Variants in PDE4D observed in about 807,000 individuals in gnomAD.
PDE4D encodes the protein phosphodiesterase 4D, also known as 3',5'-cyclic-AMP phosphodiesterase 4D.
Under a neutral mutation model 87.4 loss-of-function variants are expected in PDE4D, and 24 were observed. The observed-to-expected ratio is 0.27, with a 90% CI of 0.20 to 0.39. The LOEUF (loss-of-function observed/expected upper bound fraction) is 0.39, where lower values mean the gene tolerates loss of function less well. PDE4D is among the 10% of genes least tolerant of loss of function. The pLI, the probability that PDE4D is intolerant of heterozygous loss-of-function variation, is 1.00. For synonymous variants in PDE4D, 384 were observed against 383.2 expected (o/e 1.00, Z -0.02); for missense variants, 714 against 1,041.0 (o/e 0.69, Z 4.32).
intron 1 of PDE4D, among the ~76,000 whole-genome samples, chr5:59,316,869 T>C (rs773336761): frequency 6.4e-4 from 97 of 152,252 alleles, no homozygotes; most frequent in Non-Finnish European, 1.2e-3. Context: ...GCCTTACACA[T>C]GGGCAGAGGT....
chr5:59,390,234 C>G (rs1257516429), intron 1 of PDE4D, among the ~76,000 whole-genome samples: 1 of 152,118 alleles, frequency 6.6e-6, no homozygotes, highest in Non-Finnish European at 1.5e-5. Context: ...GTGAGATACT[C>G]ACTTGCCCAC....
At chr5:59,227,909 C>T (rs1053575286) in intron 1 of PDE4D, among the ~76,000 whole-genome samples, 5 of 151,970 alleles carry the variant, frequency 3.3e-5, no homozygotes, top group African/African-American at 1.2e-4. Flanking sequence ...GGGTATATAC[C>T]AAAAGGAATA....
intron 1 of PDE4D, among the ~76,000 whole-genome samples, chr5:59,867,984 G>A (rs780642630): frequency 3.3e-5 from 5 of 152,138 alleles, no homozygotes; most frequent in Admixed American, 1.3e-4. Flanking sequence ...ACTGAAGATC[G>A]TGTGCTTGTA....
At chr5:59,837,854 C>A (rs1408026559) in intron 1 of PDE4D, among the ~76,000 whole-genome samples, 1 of 151,986 alleles carries the variant, frequency 6.6e-6, no homozygotes, top group Non-Finnish European at 1.5e-5. Flanking sequence ...CAAATAATTA[C>A]CAAATGAACT....
At chr5:59,002,872 G>C (rs1371345721) in intron 6 of PDE4D, among the ~76,000 whole-genome samples, 1 of 151,930 alleles carries the variant, frequency 6.6e-6, no homozygotes, top group African/African-American at 2.4e-5. Context: ...ATACATATGA[G>C]GATTAAATGA....
At chr5:59,728,363 G>T (rs985986949) in intron 1 of PDE4D, among the ~76,000 whole-genome samples, 2 of 152,218 alleles carry the variant, frequency 1.3e-5, no homozygotes. Context: ...TCTTTGGTTT[G>T]ATTTAAAAAT....
At chr5:59,424,357 C>T (rs1253443607) in intron 1 of PDE4D, among the ~76,000 whole-genome samples, 1 of 152,108 alleles carries the variant, frequency 6.6e-6, no homozygotes, top group Non-Finnish European at 1.5e-5. Context: ...AAAGTAGTCC[C>T]TTTGTTTTCA....
intron 1 of PDE4D, among the ~76,000 whole-genome samples, chr5:60,311,147 G>A (rs1754998626): frequency 6.6e-6 from 1 of 152,044 alleles, no homozygotes; most frequent in Non-Finnish European, 1.5e-5. Flanking sequence ...CCTCCCCAGG[G>A]CCGGGATTAC....
chr5:59,542,574 GT>G (rs1816543049), intron 1 of PDE4D, among the ~76,000 whole-genome samples: 1 of 152,090 alleles, frequency 6.6e-6, no homozygotes, highest in African/African-American at 2.4e-5. Context: ...ATGCCAAGTA[GT>G]TTTGTATTTT....
chr5:60,209,444 AAC>A (rs578213079), intron 1 of PDE4D, among the ~76,000 whole-genome samples: 40 of 152,300 alleles, frequency 2.6e-4, no homozygotes, highest in Middle Eastern at 3.4e-3. Context: ...CTAAAAAACA[AAC>A]ACACTAGAAT....
chr5:58,992,049 CTG>C (rs749869858), intron 7 of PDE4D, 45 bp from the exon 8 acceptor site: 68 of 1,178,858 alleles, frequency 5.8e-5, no homozygotes, highest in Non-Finnish European at 7.4e-5. Context: ...TTAATTCTAT[CTG>C]TTTTATATCA....
At chr5:60,347,436 C>G (rs960083719) in intron 1 of PDE4D, among the ~76,000 whole-genome samples, 4 of 152,102 alleles carry the variant, frequency 2.6e-5, no homozygotes, top group Admixed American at 6.6e-5. Flanking sequence ...AAGTAGGGGA[C>G]TGACATGATC....
At chr5:60,339,186 T>A (rs1441315666) in intron 1 of PDE4D, among the ~76,000 whole-genome samples, 2 of 151,966 alleles carry the variant, frequency 1.3e-5, no homozygotes, top group Non-Finnish European at 2.9e-5. Context: ...TAATTTTTGT[T>A]TTTTTCCTTA....
At chr5:59,380,815 T>C (rs1307579181) in intron 1 of PDE4D, among the ~76,000 whole-genome samples, 1 of 150,260 alleles carries the variant, frequency 6.7e-6, no homozygotes, top group Non-Finnish European at 1.5e-5. Flanking sequence ...TTTTTTTTAT[T>C]TCAAAGGGAG....
At chr5:60,332,956 C>A (rs1362191069) in intron 1 of PDE4D, among the ~76,000 whole-genome samples, 1 of 152,212 alleles carries the variant, frequency 6.6e-6, no homozygotes, top group African/African-American at 2.4e-5. Flanking sequence ...AGCATCCTGA[C>A]ATCCAAGGGG....
intron 1 of PDE4D, among the ~76,000 whole-genome samples, chr5:60,478,283 C>T (rs1049150134): frequency 2.6e-5 from 4 of 152,014 alleles, no homozygotes; most frequent in East Asian, 1.9e-4. Flanking sequence ...AAAGCTGAAC[C>T]GTTAGCATCC....
At chr5:58,991,293 CAAACA>C (rs1554038888) in intron 8 of PDE4D, among the ~76,000 whole-genome samples, 2 of 147,124 alleles carry the variant, frequency 1.4e-5, no homozygotes, top group Non-Finnish European at 1.5e-5. Flanking sequence ...TGTCTCAAAA[CAAACA>C]AAACAAAACA....
chr5:59,512,948 T>C (rs1040198455), intron 1 of PDE4D, among the ~76,000 whole-genome samples: 3 of 152,158 alleles, frequency 2.0e-5, no homozygotes, highest in African/African-American at 7.2e-5. Context: ...AATATTTTAT[T>C]TGACTATACA....
At chr5:59,163,395 C>G (rs1258315622) in intron 5 of PDE4D, among the ~76,000 whole-genome samples, 1 of 151,930 alleles carries the variant, frequency 6.6e-6, no homozygotes, top group Non-Finnish European at 1.5e-5. Flanking sequence ...CCTCAGTCTC[C>G]CGAGTAGCCG....
Sources: gnomAD v4.1 joint callset for allele counts (sites outside exome capture counted in the v4.1 genomes callset) on GRCh38, gnomAD v4.1.1 for gene constraint, MANE v1.5 for transcripts, NCBI Gene and HGNC (gene_info 2026-07-23, HGNC 2026-07-21) for gene names.